The following KREMEN1 variants were observed in gnomAD, a reference collection of about 807,000 sequenced individuals.
KREMEN1 encodes the protein kremen protein 1.
In KREMEN1, 30 loss-of-function variants were observed where a neutral mutation model predicts 46.5. The observed-to-expected ratio is 0.65, with a 90% CI of 0.48 to 0.88. The LOEUF is 0.88. KREMEN1 is among the 40% of genes least tolerant of loss of function. The probability of loss-of-function intolerance (pLI) is 0.00; values close to 1 mark genes in which losing one functional copy is unlikely to be tolerated. For missense variants in KREMEN1, 533 were observed against 596.9 expected (o/e 0.89, Z 1.11); for synonymous variants, 214 against 230.6 (o/e 0.93, Z 0.65).
chr22:29,121,372 G>T lies in KREMEN1; in HGVS notation c.368G>T (p.Gly123Val), dbSNP rs768929560. The change falls in exon 4 of 9, where the codon GGC becomes GTC. Residue 123 changes from glycine to valine, a missense_variant. Gly to Val is a moderately radical substitution (Grantham distance 109, BLOSUM62 -3). Coordinates refer to ENST00000400335, the MANE Select transcript of KREMEN1 (RefSeq NM_001039570.3). Reference sequence around the variant, plus strand: ...TTTTCTTTAGTGCCTGGAAACCTTGGCTGCTACAAGGATCATGGAAACCCA... The same window carrying T: ...TTTTCTTTAGTGCCTGGAAACCTTGTCTGCTACAAGGATCATGGAAACCCA... ...IPACQMPGNL[G>V]CYKDHGNPPP... The T allele has an allele frequency of 1.5e-5, 24 of 1,613,866 alleles. No individual in the cohort carries two copies. The highest frequency in any genetic ancestry group is 1.9e-5 in the Non-Finnish European group (23 of 1,179,956).
rs142075425 is a variant in KREMEN1, at chr22:29,077,959, T to C, written c.97+4732T>C. Among the ~76,000 whole-genome samples the C allele has an allele frequency of 1.8e-3, 277 of 152,300 alleles. 1 individual carries two copies. Among genetic ancestry groups the C allele is most frequent in the Non-Finnish European group, 3.4e-3 (234 of 68,014 alleles). On this transcript the variant is annotated intron_variant, in intron 1 of 8. Transcript: ENST00000400335. ...TGTGCACGTACATTTGGGTCTTTAA[T>C]AGGACTTTTAGACCAGGTGCAGTGG...
chr22:29,079,162 A>T (rs2037617284), intron 1 of KREMEN1, among the ~76,000 whole-genome samples: 1 of 152,288 alleles, frequency 6.6e-6, no homozygotes, highest in African/African-American at 2.4e-5. Flanking sequence ...GCGTCCATAC[A>T]CCTCACAAAT....
chr22:29,160,526 C>T (rs113033934), intron 9 of KREMEN1, among the ~76,000 whole-genome samples: 3,232 of 118,714 alleles, frequency 0.027, 55 homozygotes, highest in African/African-American at 0.042. Flanking sequence ...GGTGACAGAC[C>T]GAGACTCCGT....
chr22:29,132,071 C>T (rs943233730), intron 5 of KREMEN1, among the ~76,000 whole-genome samples: 4 of 151,760 alleles, frequency 2.6e-5, no homozygotes, highest in South Asian at 2.1e-4. Flanking sequence ...GGGGTTTCTC[C>T]GGGTTGGTCA....
At chr22:29,110,756 T>C (rs1224557160) in intron 3 of KREMEN1, among the ~76,000 whole-genome samples, 1 of 152,162 alleles carries the variant, frequency 6.6e-6, no homozygotes, top group Non-Finnish European at 1.5e-5. Flanking sequence ...AGAGGTAGTG[T>C]GGGGCCATAT....
intron 5 of KREMEN1, among the ~76,000 whole-genome samples, chr22:29,136,836 G>T (rs1379550005): frequency 2.6e-5 from 4 of 152,184 alleles, no homozygotes; most frequent in Non-Finnish European, 5.9e-5. Context: ...TGGGAGCGTT[G>T]CATGGGTACT....
chr22:29,085,617 T>G (rs76223077), intron 1 of KREMEN1, among the ~76,000 whole-genome samples: 8,346 of 152,238 alleles, frequency 0.055, 280 homozygotes, highest in East Asian at 0.12. Flanking sequence ...AAGCCTTAGA[T>G]TTCCCCTTTT....
chr22:29,136,983 A>G (rs12157998), intron 5 of KREMEN1, among the ~76,000 whole-genome samples: 29,539 of 152,108 alleles, frequency 0.19, 3,133 homozygotes, highest in African/African-American at 0.26. Context: ...ACAGGAGCAG[A>G]TGGTGCTCTC....
rs1320184340 is a variant in KREMEN1, at chr22:29,073,139, G to T, written c.9G>T (p.Pro3=). The T allele has an allele frequency of 1.8e-6, 2 of 1,083,186 alleles. No individual in the cohort carries two copies. The highest frequency in any genetic ancestry group is 2.2e-6 in the Non-Finnish European group (2 of 896,418). 67.1% of individuals were successfully genotyped at this position (1,083,186 alleles called of 1,614,324 possible). A position where few individuals can be genotyped will look rare whatever the true frequency, so the allele number is the denominator to read the frequency against. The part of the protein sequence containing the change: MA[P]PAARLALLSA... ...CCCCGCACTGACGGCCCATGGCGCC[G>T]CCAGCCGCCCGCCTCGCCCTGCTCT... is the stretch of plus-strand genomic sequence containing the variant. The change falls in exon 1 of 9, where the codon CCG becomes CCT. Residue 3 remains proline, a synonymous_variant. Transcript: ENST00000400335. This position sits in a 1 kb window ranked among gnomAD's most constrained non-coding sequence, Gnocchi z 4.4.
At chr22:29,129,615 C>T (rs967028187) in intron 5 of KREMEN1, among the ~76,000 whole-genome samples, 2 of 152,112 alleles carry the variant, frequency 1.3e-5, no homozygotes, top group South Asian at 2.1e-4. Context: ...AGAGTGTCAG[C>T]GACATCTTCC....
At chr22:29,120,954 A>T (rs1424342180) in intron 3 of KREMEN1, among the ~76,000 whole-genome samples, 1 of 152,216 alleles carries the variant, frequency 6.6e-6, no homozygotes, top group Admixed American at 6.5e-5. Context: ...GAGCTTAAAT[A>T]GAAGGTATAG....
At chr22:29,118,416 C>G (rs541655205) in intron 3 of KREMEN1, among the ~76,000 whole-genome samples, 1 of 152,244 alleles carries the variant, frequency 6.6e-6, no homozygotes, top group Admixed American at 6.5e-5. Context: ...GGGGATCTGT[C>G]TTAGGCAGTT....
intron 9 of KREMEN1, among the ~76,000 whole-genome samples, chr22:29,159,282 G>C (rs1455974397): frequency 6.6e-6 from 1 of 151,842 alleles, no homozygotes; most frequent in East Asian, 1.9e-4. Context: ...GGAGTGTTTT[G>C]CTCCTTAATG....
Position 29,146,365 on chromosome 22 carries a change from T to C in KREMEN1, c.*4253T>C. 1.0e-6 allele frequency: 1 copy of C among 985,860 alleles called. No homozygotes were observed. The highest frequency in any genetic ancestry group is 1.1e-4 in the East Asian group (1 of 8,818). 61.1% of individuals were successfully genotyped at this position (985,860 alleles called of 1,614,324 possible). On this transcript the variant is annotated 3_prime_UTR_variant, in exon 9 of 9. Coordinates refer to ENST00000400335, the MANE Select transcript of KREMEN1 (RefSeq NM_001039570.3). ...GCTTCACCCTCTGCCTGCAGACCCC[T>C]GGTGGGCACATCTCACAGGCTTCCG...
At chr22:29,130,714 T>C (rs1054146253) in intron 5 of KREMEN1, among the ~76,000 whole-genome samples, 2 of 152,180 alleles carry the variant, frequency 1.3e-5, no homozygotes, top group Non-Finnish European at 2.9e-5. Flanking sequence ...CCCAAAGAAA[T>C]GGACTCAGCT....
chr22:29,100,251 G>A (rs1294176186), intron 3 of KREMEN1, among the ~76,000 whole-genome samples: 1 of 152,108 alleles, frequency 6.6e-6, no homozygotes, highest in Non-Finnish European at 1.5e-5. Context: ...GAGTAGCTGG[G>A]ATTACAGGCA....
intron 5 of KREMEN1, among the ~76,000 whole-genome samples, chr22:29,132,242 A>C (rs987873989): frequency 3.3e-5 from 5 of 152,288 alleles, no homozygotes; most frequent in South Asian, 4.1e-4. Context: ...ATTGCTAAGA[A>C]GCGTTCCTTT....
chr22:29,094,071 A>C (rs1227175506), intron 1 of KREMEN1, among the ~76,000 whole-genome samples, 187 bp from the exon 2 acceptor site: 1 of 152,210 alleles, frequency 6.6e-6, no homozygotes, highest in African/African-American at 2.4e-5. Context: ...AGATTAGCCT[A>C]GCTTTTTGAG....
downstream of KREMEN1, among the ~76,000 whole-genome samples, chr22:29,150,392 A>G (rs1336792994): frequency 6.6e-6 from 1 of 152,240 alleles, no homozygotes; most frequent in Non-Finnish European, 1.5e-5. Flanking sequence ...GGGCTCCACA[A>G]GAAGCGTTTT....
Sources: allele counts gnomAD v4.1 joint callset (sites outside exome capture counted in the v4.1 genomes callset), GRCh38; gene constraint gnomAD v4.1.1; non-coding constraint Gnocchi (gnomAD v3.1); transcripts MANE v1.5; gene names NCBI Gene and HGNC (gene_info 2026-07-23, HGNC 2026-07-21).